The following LMO7 variants were observed in gnomAD, a reference collection of about 807,000 sequenced individuals.
LMO7 encodes the protein LIM domain only protein 7.
A neutral mutation model predicts 206.5 loss-of-function variants in LMO7; 120 were observed. The ratio of observed to expected loss-of-function variants is 0.58; its 90% CI spans 0.50 to 0.68. The LOEUF (loss-of-function observed/expected upper bound fraction) is 0.68, where lower values mean the gene tolerates loss of function less well. Ranked by LOEUF, LMO7 falls within the 30% of genes least tolerant of loss-of-function variation. LMO7 has a pLI of 0.00. For synonymous variants in LMO7, 706 were observed against 681.5 expected, an observed-to-expected ratio of 1.04 and a Z score of -0.56; for missense variants, 1,959 against 1,957.9, an observed-to-expected ratio of 1.00 and a Z score of -0.01.
In LMO7 at chr13:75,840,111, G is replaced by C; in HGVS notation, c.3477+1G>C. On this transcript the variant is annotated splice_donor_variant, in intron 21 of 30. Coordinates refer to ENST00000377534, the MANE Select transcript of LMO7 (RefSeq NM_001306080.2). LOFTEE classifies it high-confidence loss of function. ...AAGCTCTGATTCGGTGGTTCCTGAT[G>C]TAAGTAGCATTCATTTGTCATTTGG... 1.2e-6 allele frequency: 2 copies of C among 1,613,962 alleles called. No individual in the cohort carries two copies. The highest frequency in any genetic ancestry group is 1.7e-6 in the Non-Finnish European group (2 of 1,179,858).
chr13:75,654,572 G>T (rs1004660699), intron 1 of LMO7, among the ~76,000 whole-genome samples: 1 of 152,064 alleles, frequency 6.6e-6, no homozygotes, highest in Non-Finnish European at 1.5e-5. Context: ...GCGTGTGGGG[G>T]GTTAGAGATG....
intron 13 of LMO7, among the ~76,000 whole-genome samples, chr13:75,820,224 A>G (rs1478650070): frequency 6.6e-6 from 1 of 152,204 alleles, no homozygotes; most frequent in Non-Finnish European, 1.5e-5. Context: ...CTTAAATGCA[A>G]TTCAGTTATT....
rs79513525 is a variant in LMO7 at position 75,791,756 on chromosome 13, G to C, written c.318-3645G>C. 2.1e-3 allele frequency among the ~76,000 whole-genome samples: 326 copies of C among 152,254 alleles called. 9 individuals carry two copies. The East Asian group carries it at 0.056, about 26-fold the overall frequency. ...GTTCTAAATATTGGGGTCCACTGAT[G>C]GGCCTTGCCATCACATGGCTTACAG... On this transcript the variant is annotated intron_variant, in intron 4 of 30. Transcript: ENST00000377534.
intron 1 of LMO7, among the ~76,000 whole-genome samples, chr13:75,670,145 A>C (rs116563905): frequency 0.015 from 2,230 of 152,342 alleles, 69 homozygotes; most frequent in African/African-American, 0.051. Flanking sequence ...CTCTTTGCTT[A>C]ATAGGAGAGA....
At chr13:75,683,251 A>G (rs9600526) in intron 1 of LMO7, among the ~76,000 whole-genome samples, 14,646 of 152,076 alleles carry the variant, frequency 0.096, 776 homozygotes, top group Middle Eastern at 0.12. Flanking sequence ...TTCCCCTTCT[A>G]TTGATTGTGC....
chr13:75,657,236 G>A (rs1566280796), intron 1 of LMO7, among the ~76,000 whole-genome samples: 1 of 152,146 alleles, frequency 6.6e-6, no homozygotes, highest in Non-Finnish European at 1.5e-5. Flanking sequence ...CTGACACCTT[G>A]ATTTCAGACT....
intron 1 of LMO7, among the ~76,000 whole-genome samples, chr13:75,642,154 T>C (rs1246885035): frequency 1.6e-4 from 24 of 152,134 alleles, no homozygotes; most frequent in Admixed American, 1.6e-3. Flanking sequence ...CTCCAGGAAG[T>C]GTAAACAGAT....
At chr13:75,855,979 T>C (rs993183225) in intron 29 of LMO7, among the ~76,000 whole-genome samples, 2 of 152,224 alleles carry the variant, frequency 1.3e-5, no homozygotes, top group Admixed American at 1.3e-4. Context: ...TTTAAGCCTG[T>C]CCATTGCTGG....
intron 3 of LMO7, among the ~76,000 whole-genome samples, chr13:75,749,992 G>C (rs1266091983): frequency 6.6e-6 from 1 of 151,556 alleles, no homozygotes; most frequent in African/African-American, 2.4e-5. Context: ...GGCAGAATAA[G>C]TTTATTATTA....
At position 75,721,281 on chromosome 13, in the gene LMO7, T is replaced by G. The variant is rs578149093; in HGVS notation, c.141-5748T>G. 1.7e-4 allele frequency among the ~76,000 whole-genome samples: 26 copies of G among 152,360 alleles called. No homozygotes were observed. In the Middle Eastern group the frequency reaches 0.034, roughly 199 times the overall value. On this transcript the variant is annotated intron_variant, in intron 2 of 30. Transcript: ENST00000377534. ...GATTTTGAAGAATTTGTTTGATATT[T>G]CACAGAAATATTTCTGCATTAAAAA...
intron 1 of LMO7, among the ~76,000 whole-genome samples, chr13:75,637,931 A>AG (rs1266867568): frequency 1.3e-5 from 2 of 152,268 alleles, no homozygotes; most frequent in East Asian, 1.9e-4. Context: ...ATGTGAAGGG[A>AG]GGGGCATGGG....
chr13:75,825,370 C>G (rs772649559), intron 15 of LMO7, among the ~76,000 whole-genome samples: 4 of 152,094 alleles, frequency 2.6e-5, no homozygotes, highest in Non-Finnish European at 4.4e-5. Flanking sequence ...GAATCATGTG[C>G]TGCACGCTGG....
At chr13:75,625,459 G>T (rs972978550) in intron 2 of LMO7, among the ~76,000 whole-genome samples, 3 of 125,042 alleles carry the variant, frequency 2.4e-5, no homozygotes, top group Non-Finnish European at 3.5e-5. Flanking sequence ...GTGTGTGCAT[G>T]TGCATGTGTG....
chr13:75,749,842 T>C (rs1298037168), intron 3 of LMO7, among the ~76,000 whole-genome samples: 1 of 152,074 alleles, frequency 6.6e-6, no homozygotes, highest in Non-Finnish European at 1.5e-5. Flanking sequence ...CTTTTTTTTT[T>C]TGGAGAGAAA....
chr13:75,694,120 A>T (rs1026700664), intron 1 of LMO7, among the ~76,000 whole-genome samples: 1 of 152,256 alleles, frequency 6.6e-6, no homozygotes, highest in Non-Finnish European at 1.5e-5. Flanking sequence ...ACCTCAATAA[A>T]GTTTCAATCT....
At chr13:75,815,093 ACT>A (rs1221388043) in intron 11 of LMO7, among the ~76,000 whole-genome samples, 1 of 151,902 alleles carries the variant, frequency 6.6e-6, no homozygotes, top group Non-Finnish European at 1.5e-5. Context: ...TCTGAAAGGA[ACT>A]CTCTGGCTGC....
intron 1 of LMO7, among the ~76,000 whole-genome samples, chr13:75,647,715 T>A (rs572005596): frequency 2.6e-5 from 4 of 152,242 alleles, no homozygotes; most frequent in African/African-American, 4.8e-5. Flanking sequence ...ATAGAAACTT[T>A]ATTGAGAACA....
intron 4 of LMO7, among the ~76,000 whole-genome samples, chr13:75,794,967 C>T (rs192318882): frequency 2.1e-4 from 32 of 152,222 alleles, no homozygotes; most frequent in African/African-American, 7.7e-4. Flanking sequence ...GCAAAAAACC[C>T]CTCGCTTTTA....
At chr13:75,735,786 C>T (rs541967701) in intron 3 of LMO7, among the ~76,000 whole-genome samples, 19 of 151,674 alleles carry the variant, frequency 1.3e-4, no homozygotes, top group Non-Finnish European at 2.4e-4. Flanking sequence ...AGGAAATATT[C>T]AGTTTAATAA....
Sources: gnomAD v4.1 joint callset for allele counts (sites outside exome capture counted in the v4.1 genomes callset) on GRCh38, gnomAD v4.1.1 for gene constraint, MANE v1.5 for transcripts, NCBI Gene and HGNC (gene_info 2026-07-23, HGNC 2026-07-21) for gene names.